The following XPO4 variants were observed in gnomAD, a reference collection of about 807,000 sequenced individuals.
XPO4 encodes the protein exportin 4, also known as exportin-4.
Under a neutral mutation model 143.0 loss-of-function variants are expected in XPO4, and 39 were observed. That is an observed-to-expected ratio of 0.27 (90% CI 0.21 to 0.36). The LOEUF is 0.36. Among genes scored for constraint, XPO4 ranks in the 10% least tolerant of loss-of-function variants. The pLI is 1.00. For synonymous variants in XPO4, 439 were observed against 474.0 expected (o/e 0.93, Z 0.96); for missense variants, 907 against 1,348.0 (o/e 0.67, Z 5.12).
At chr13:20,784,862 A>G (rs2059181054) in intron 22 of XPO4, among the ~76,000 whole-genome samples, 1 of 151,602 alleles carries the variant, frequency 6.6e-6, no homozygotes, top group Non-Finnish European at 1.5e-5. Flanking sequence ...AGATCGCTTG[A>G]GCCCAAGAGG....
chr13:20,800,299 G>A lies in XPO4; in HGVS notation c.2004C>T (p.Phe668=), dbSNP rs537317747. ...ACTGAGAACCCTCTGTATCTGCTCC[G>A]AACGCTGTACTGAATGGCAGACTTA... ...DQISLPFSTA[F]GADTEGSQWI... Residue 668 remains phenylalanine, a synonymous_variant, in exon 15 of 23, where the codon TTC becomes TTT. Coordinates refer to ENST00000255305, the MANE Select transcript of XPO4 (RefSeq NM_022459.5). The A allele has an allele frequency of 2.1e-5, 34 of 1,613,490 alleles. No individual in the cohort carries two copies. Among genetic ancestry groups the A allele is most frequent in the South Asian group, 5.5e-5 (5 of 91,032 alleles).
Position 20,862,774 on chromosome 13 carries a change from T to G in XPO4, c.260A>C (p.Lys87Thr). Residue 87 changes from lysine (K) to threonine (T), a missense_variant, in exon 3 of 23, where the codon AAA (lysine) becomes ACA (threonine). Transcript: ENST00000255305. ...TGTTCGCAGAGACTCGATGCTACCTTTTTCCAAGAGAATCCACTCTCGGAC... is the reference window on the plus strand; with the variant it reads ...TGTTCGCAGAGACTCGATGCTACCTGTTTCCAAGAGAATCCACTCTCGGAC... ...AVVREWILLE[K>T]GSIESLRTFL... is the part of the protein sequence containing the mutation. The G allele has an allele frequency of 4.3e-6, 7 of 1,614,198 alleles. No homozygotes were observed. The highest frequency in any genetic ancestry group is 5.9e-6 in the Non-Finnish European group (7 of 1,180,030).
chr13:20,837,883 G>A (rs369223598), intron 6 of XPO4, among the ~76,000 whole-genome samples: 13 of 152,070 alleles, frequency 8.5e-5, no homozygotes, highest in African/African-American at 1.4e-4. Flanking sequence ...TATCTCCCAC[G>A]GGGTCCCTCC....
chr13:20,863,507 T>C (rs1450681061), intron 2 of XPO4, among the ~76,000 whole-genome samples: 1 of 152,216 alleles, frequency 6.6e-6, no homozygotes, highest in East Asian at 1.9e-4. Context: ...CAGCCTTAGC[T>C]AGCAAGTTAT....
At chr13:20,858,786 G>T (rs979456149) in intron 3 of XPO4, among the ~76,000 whole-genome samples, 14 of 151,838 alleles carry the variant, frequency 9.2e-5, no homozygotes, top group African/African-American at 3.1e-4. Flanking sequence ...CAGTAGAATC[G>T]CTGGAACACA....
At chr13:20,858,968 G>A (rs7318857) in intron 3 of XPO4, among the ~76,000 whole-genome samples, 54,732 of 150,144 alleles carry the variant, frequency 0.36, 11,384 homozygotes, top group Non-Finnish European at 0.48. Context: ...TTTCAATGTG[G>A]AACCCTACAA....
Position 20,888,306 on chromosome 13 carries a change from T to C in XPO4, c.69+14364A>G, listed in dbSNP as rs9552290. ...ATTTTTTTTACTACATTGCCCCAAG[T>C]ATATGGCATGATCTTTTGAGAAGAT... On this transcript the variant is annotated intron_variant, in intron 1 of 22. Coordinates refer to ENST00000255305, the MANE Select transcript of XPO4 (RefSeq NM_022459.5). 2.0e-4 allele frequency among the ~76,000 whole-genome samples: 30 copies of C among 152,014 alleles called. 1 individual carries two copies. In the East Asian group the frequency reaches 5.6e-3, roughly 28 times the overall value.
Position 20,780,378 on chromosome 13 carries a change from G to A in XPO4, c.*3344C>T, listed in dbSNP as rs1428705391. On this transcript the variant is annotated 3_prime_UTR_variant, in exon 23 of 23. Transcript: ENST00000255305. ...TTGTAATCCTTGAAACTGACAGCTA[G>A]TTCCCTTCAATACTTTAGGGGTTCA... The A allele has an allele frequency of 6.6e-6, 1 of 152,170 alleles. No homozygotes were observed. The highest frequency in any genetic ancestry group is 2.4e-5 in the African/African-American group (1 of 41,450). 9.4% of individuals were successfully genotyped at this position (152,170 alleles called of 1,614,324 possible).
chr13:20,781,325 A>G lies in XPO4; in HGVS notation c.*2397T>C, dbSNP rs1274633267. On this transcript the variant is annotated 3_prime_UTR_variant, in exon 23 of 23. Coordinates refer to ENST00000255305, the MANE Select transcript of XPO4 (RefSeq NM_022459.5). ...AAAACACAAAGTGAATAAGCATCCA[A>G]TCAGGCAAACATGGACACAACCACC... 3 of 152,620 alleles carry G rather than the reference A, an allele frequency of 2.0e-5. No individual in the cohort carries two copies. The highest frequency in any genetic ancestry group is 1.5e-5 in the Non-Finnish European group (1 of 68,036). The allele number at this position is 152,620 out of a possible 1,614,324, so 9.5% of individuals were successfully genotyped here. A position where few individuals can be genotyped will look rare whatever the true frequency, so the allele number is the denominator to read the frequency against.
chr13:20,834,785 A>C (rs1218457796), intron 6 of XPO4, among the ~76,000 whole-genome samples: 1 of 152,072 alleles, frequency 6.6e-6, no homozygotes, highest in Non-Finnish European at 1.5e-5. Context: ...ACATAGTGGG[A>C]TCCTGCCCTA....
chr13:20,810,561 T>C (rs372628217), intron 9 of XPO4, among the ~76,000 whole-genome samples: 4 of 152,214 alleles, frequency 2.6e-5, no homozygotes, highest in East Asian at 3.8e-4. Flanking sequence ...AATGTGGAAA[T>C]AAATTTCTCC....
At position 20,789,558 on chromosome 13, in the gene XPO4, C is replaced by CTT. The variant is rs1284179228; in HGVS notation, c.2916+902_2916+903dup. Among the ~76,000 whole-genome samples the CTT allele has an allele frequency of 2.1e-4, 31 of 148,132 alleles. No individual in the cohort carries two copies. The East Asian group carries it at 2.6e-3, about 12-fold the overall frequency. On this transcript the variant is annotated intron_variant, in intron 19 of 22. Coordinates refer to ENST00000255305, the MANE Select transcript of XPO4 (RefSeq NM_022459.5). ...TACAGGCGCCCACCACCACACCCGG[C>CTT]TTTTTTTTTGTGTGTGTGTGTGTGT...
intron 19 of XPO4, among the ~76,000 whole-genome samples, chr13:20,789,598 C>T (rs1049184606): frequency 2.0e-5 from 3 of 150,650 alleles, no homozygotes; most frequent in Admixed American, 6.6e-5. Flanking sequence ...TTAGTAGAGG[C>T]GGGGTTTCAC....
intron 6 of XPO4, 43 bp from the exon 7 acceptor site, chr13:20,827,222 G>T: frequency 7.3e-7 from 1 of 1,376,778 alleles, no homozygotes; most frequent in Non-Finnish European, 1.0e-6. Flanking sequence ...TTCTTACTTT[G>T]TCTAAAGTAT....
At position 20,849,626 on chromosome 13, in the gene XPO4, C is replaced by T. The variant is rs568356726; in HGVS notation, c.457-5740G>A. On this transcript the variant is annotated intron_variant, in intron 4 of 22. Transcript: ENST00000255305. ...TTATGGAAGGAAAACATCATAACTG[C>T]CCACAAGCTTGAAATAACATTATTT... 298 of 985,190 alleles carry T rather than the reference C, an allele frequency of 3.0e-4. No individual in the cohort carries two copies. In the African/African-American group the frequency reaches 5.0e-3, roughly 17 times the overall value. 61.0% of individuals were successfully genotyped at this position (985,190 alleles called of 1,614,324 possible).
At chr13:20,883,899 C>T (rs1222949804) in intron 1 of XPO4, among the ~76,000 whole-genome samples, 1 of 152,156 alleles carries the variant, frequency 6.6e-6, no homozygotes, top group African/African-American at 2.4e-5. Flanking sequence ...TCCCGAGTAG[C>T]TGGGATTACA....
In XPO4 at chr13:20,779,732, C is replaced by T. The variant is rs998328124; in HGVS notation, c.*3990G>A. The T allele has an allele frequency of 6.6e-6, 1 of 152,580 alleles. No homozygotes were observed. The highest frequency in any genetic ancestry group is 2.4e-5 in the African/African-American group (1 of 41,420). The allele number at this position is 152,580 out of a possible 1,614,324, so 9.5% of individuals were successfully genotyped here. On this transcript the variant is annotated 3_prime_UTR_variant, in exon 23 of 23. Transcript: ENST00000255305. ...ATTCTCTTTAAAAAGTATGAATGCC[C>T]AGTATTAAGCTTCTATTTTTATTTG...
intron 18 of XPO4, among the ~76,000 whole-genome samples, chr13:20,795,100 A>G (rs927984755): frequency 6.6e-6 from 1 of 152,200 alleles, no homozygotes; most frequent in Non-Finnish European, 1.5e-5. Context: ...AAATAAGTCA[A>G]GTGGATATTA....
chr13:20,867,141 G>A (rs144403966), intron 2 of XPO4, among the ~76,000 whole-genome samples: 1 of 152,080 alleles, frequency 6.6e-6, no homozygotes, highest in African/African-American at 2.4e-5. Flanking sequence ...TCCTCCACAG[G>A]TATATGTTAA....
Sources: allele counts gnomAD v4.1 joint callset (sites outside exome capture counted in the v4.1 genomes callset), GRCh38; gene constraint gnomAD v4.1.1; transcripts MANE v1.5; gene names NCBI Gene and HGNC (gene_info 2026-07-23, HGNC 2026-07-21).